Variants in ANAPC15 observed in about 807,000 individuals in gnomAD.
ANAPC15 encodes the protein anaphase promoting complex subunit 15.
Under a neutral mutation model 19.8 loss-of-function variants are expected in ANAPC15, and 13 were observed. The ratio of observed to expected loss-of-function variants is 0.66; its 90% CI spans 0.43 to 1.04. The LOEUF (loss-of-function observed/expected upper bound fraction) is 1.04. Ranked by LOEUF, ANAPC15 falls within the 50% of genes least tolerant of loss-of-function variation. The pLI is 0.00. For missense variants in ANAPC15, 88 were observed against 150.3 expected, an observed-to-expected ratio of 0.59 and a Z score of 2.17; for synonymous variants, 45 against 50.7, an observed-to-expected ratio of 0.89 and a Z score of 0.47.
chr11:72,108,738 C>G (rs1270179037), downstream of ANAPC15: 15 of 1,550,292 alleles, frequency 9.7e-6, no homozygotes, highest in African/African-American at 2.7e-5. Flanking sequence ...CTGCTGGAGG[C>G]CCATGCCCTA....
At chr11:72,107,239 C>T, downstream of ANAPC15, 1 of 586,414 alleles carries the variant, frequency 1.7e-6, no homozygotes, top group Admixed American at 3.0e-5. Flanking sequence ...TGCACTCCAG[C>T]CTGGGCAACA....
chr11:72,112,510 C>T (rs1347625201), intron 1 of ANAPC15, 140 bp downstream of exon 1: 2 of 318,498 alleles, frequency 6.3e-6, no homozygotes, highest in Non-Finnish European at 6.4e-6. Flanking sequence ...GAGGAAGCGG[C>T]CAATGAGCTG....
downstream of ANAPC15, chr11:72,108,755 G>A (rs1291606841): frequency 6.4e-7 from 1 of 1,550,470 alleles, no homozygotes. Context: ...CCTACTGCCA[G>A]CAGGTGCCAC....
At chr11:72,108,025 C>A, downstream of ANAPC15, 1 of 1,551,592 alleles carries the variant, frequency 6.4e-7, no homozygotes, top group Non-Finnish European at 8.7e-7. Flanking sequence ...CGAGCCCTGC[C>A]CCCTGGGGGT....
chr11:72,112,706 G>A (rs1231569020), upstream of ANAPC15: 1 of 456,562 alleles, frequency 2.2e-6, no homozygotes, highest in Non-Finnish European at 4.4e-6. Flanking sequence ...AGCCTGAGCG[G>A]AAGAACCCAC....
chr11:72,110,497 G>A lies in ANAPC15; in HGVS notation c.180+47C>T, dbSNP rs766470230. The stretch of plus-strand genomic sequence containing the variant: ...ACATTCAGAATTAGAGCAGAGCCTC[G>A]GTCCACTGCGGCCCCCACACAGGCC... On this transcript the variant is annotated intron_variant, in intron 4 of 5. Coordinates refer to ENST00000227618, the MANE Select transcript of ANAPC15 (RefSeq NM_014042.3). The A allele has an allele frequency of 9.9e-6, 16 of 1,609,414 alleles. No individual in the cohort carries two copies. In the East Asian group the frequency reaches 1.3e-4, roughly 13 times the overall value.
chr11:72,108,871 C>G, downstream of ANAPC15: 1 of 1,550,314 alleles, frequency 6.5e-7, no homozygotes, highest in Non-Finnish European at 8.7e-7. Flanking sequence ...GCCTTCCAGA[C>G]TTCCCTGCCA....
Position 72,109,775 on chromosome 11 carries a change from A to G in ANAPC15, c.*106T>C. On this transcript the variant is annotated 3_prime_UTR_variant, in exon 6 of 6. Coordinates refer to ENST00000227618, the MANE Select transcript of ANAPC15 (RefSeq NM_014042.3). The stretch of plus-strand genomic sequence containing the variant: ...TGAGGAGGTGCCCAAGGGCACTTTC[A>G]GGCACTGGGGCCATCAGCTGGTTCT... 1 of 1,427,886 alleles carries G rather than the reference A, an allele frequency of 7.0e-7. No homozygotes were observed. Among genetic ancestry groups the G allele is most frequent in the Non-Finnish European group, 9.9e-7 (1 of 1,014,900 alleles). 88.5% of individuals were successfully genotyped at this position (1,427,886 alleles called of 1,614,324 possible).
At chr11:72,107,755 C>T, downstream of ANAPC15, 1 of 682,994 alleles carries the variant, frequency 1.5e-6, no homozygotes, top group South Asian at 1.8e-5. Context: ...GAAGACTACA[C>T]TGTAGGAGAC....
chr11:72,111,916 G>T (rs1351610974), intron 1 of ANAPC15: 3 of 153,348 alleles, frequency 2.0e-5, no homozygotes, highest in African/African-American at 7.2e-5. Flanking sequence ...TTGAATGGAT[G>T]AACTAACATT....
chr11:72,109,683 C>T lies in ANAPC15; in HGVS notation c.*198G>A. 1 of 647,268 alleles carries T rather than the reference C, an allele frequency of 1.5e-6. No homozygotes were observed. Among genetic ancestry groups the T allele is most frequent in the Non-Finnish European group, 2.7e-6 (1 of 367,970 alleles). 40.1% of individuals were successfully genotyped at this position (647,268 alleles called of 1,614,324 possible). A position where few individuals can be genotyped will look rare whatever the true frequency, so the allele number is the denominator to read the frequency against. On this transcript the variant is annotated 3_prime_UTR_variant, in exon 6 of 6. Coordinates refer to ENST00000227618, the MANE Select transcript of ANAPC15 (RefSeq NM_014042.3). ...CCAGGAAGGTGGAGTAGGTTTCAGGCCCTGGGGATTTCAAGTGCAGACTGA... is the reference window on the plus strand; with the variant it reads ...CCAGGAAGGTGGAGTAGGTTTCAGGTCCTGGGGATTTCAAGTGCAGACTGA...
intron 4 of ANAPC15, 127 bp downstream of exon 4, chr11:72,110,417 C>T: frequency 6.6e-7 from 1 of 1,522,314 alleles, no homozygotes; most frequent in Non-Finnish European, 9.0e-7. Flanking sequence ...TCTATCTCCC[C>T]TTTTAGGCTT....
downstream of ANAPC15, chr11:72,107,671 C>A (rs566048759): frequency 1.3e-5 from 8 of 617,538 alleles, no homozygotes; most frequent in African/African-American, 1.3e-4. Context: ...CAAGTTCAAT[C>A]CCAAAGGCCT....
chr11:72,108,402 T>C (rs1945944472), downstream of ANAPC15, among the ~76,000 whole-genome samples: 1 of 152,224 alleles, frequency 6.6e-6, no homozygotes, highest in Admixed American at 6.5e-5. Context: ...GAGCAAAGCA[T>C]GCATCCTCTG....
chr11:72,110,157 A>C lies in ANAPC15; in HGVS notation c.249T>G (p.Asp83Glu). 6.2e-7 allele frequency: 1 copy of C among 1,613,998 alleles called. No homozygotes were observed. The stretch of plus-strand genomic sequence containing the variant: ...TCTCGTCCATGTCCTGCATATCCTC[A>C]TCATCCTCTGAGTCCTCTTCACTAT... ...DEDSEEDSED[D>E]EDMQDMDEMN... The change falls in exon 5 of 6, where the codon GAT becomes GAG. Residue 83 changes from aspartate to glutamate, a missense_variant. Transcript: ENST00000227618.
chr11:72,110,697 A>C (rs767267287), intron 3 of ANAPC15, 94 bp from the exon 4 acceptor site: 96 of 1,386,076 alleles, frequency 6.9e-5, no homozygotes, highest in Non-Finnish European at 9.4e-5. Flanking sequence ...GACAACCCAC[A>C]CGTGTTGGGG....
Position 72,110,599 on chromosome 11 carries a change from T to C in ANAPC15, c.125A>G (p.Gln42Arg). 1 of 1,614,210 alleles carries C rather than the reference T, an allele frequency of 6.2e-7. No individual in the cohort carries two copies. Among genetic ancestry groups the C allele is most frequent in the Non-Finnish European group, 8.5e-7 (1 of 1,180,048 alleles). ...QQEQQHQAWL[Q>R]SIAEKDNNLV... The stretch of plus-strand genomic sequence containing the variant: ...GTTGTTGTCTTTCTCCGCGATGCTT[T>C]GGAGCTGTGGGCAAAGGCACAGAGG... Residue 42 changes from glutamine to arginine, a missense_variant, in exon 4 of 6, where the codon CAA (glutamine) becomes CGA (arginine). Transcript: ENST00000227618.
Position 72,109,875 on chromosome 11 carries a change from G to A in ANAPC15, c.*6C>T. 6.2e-7 allele frequency: 1 copy of A among 1,613,500 alleles called. No homozygotes were observed. The highest frequency in any genetic ancestry group is 8.5e-7 in the Non-Finnish European group (1 of 1,180,002). ...AATCTCCCTGAGGCCACCCTGCCTT[G>A]TCTACCTAGATCATCCACTGGTCCT... On this transcript the variant is annotated 3_prime_UTR_variant, in exon 6 of 6. Coordinates refer to ENST00000227618, the MANE Select transcript of ANAPC15 (RefSeq NM_014042.3).
Position 72,111,142 on chromosome 11 carries a change from T to TG in ANAPC15, c.120+14_120+15insC. ...CTGTGCTGAGGTCTCTGTGCTGTGCTAGCTGCTCACTCACCCAGGCCTGAT... is the reference window on the plus strand; with the variant it reads ...CTGTGCTGAGGTCTCTGTGCTGTGCTGAGCTGCTCACTCACCCAGGCCTGAT... On this transcript the variant is annotated intron_variant, in intron 3 of 5. Transcript: ENST00000227618. 6 of 1,401,430 alleles carry TG rather than the reference T, an allele frequency of 4.3e-6. No homozygotes were observed. The highest frequency in any genetic ancestry group is 5.8e-6 in the Non-Finnish European group (6 of 1,040,658). 86.8% of individuals were successfully genotyped at this position (1,401,430 alleles called of 1,614,324 possible).
Sources: allele counts gnomAD v4.1 joint callset (sites outside exome capture counted in the v4.1 genomes callset), GRCh38; gene constraint gnomAD v4.1.1; transcripts MANE v1.5; gene names NCBI Gene and HGNC (gene_info 2026-07-23, HGNC 2026-07-21).